GOLGA5: variants seen among roughly 807,000 people sequenced by gnomAD.
GOLGA5 encodes golgin A5.
Under a neutral mutation model 93.5 loss-of-function variants are expected in GOLGA5, and 50 were observed. The ratio of observed to expected loss-of-function variants is 0.53; its 90% confidence interval spans 0.43 to 0.68. The LOEUF (loss-of-function observed/expected upper bound fraction) is 0.68. GOLGA5 is among the 30% of genes least tolerant of loss of function. The probability of loss-of-function intolerance (pLI) is 0.00; values close to 1 mark genes in which losing one functional copy is unlikely to be tolerated. For missense variants in GOLGA5, 760 were observed against 856.4 expected, an observed-to-expected ratio of 0.89 and a Z score of 1.40; for synonymous variants, 312 against 304.5, an observed-to-expected ratio of 1.02 and a Z score of -0.26.
At chr14:92,819,972 A>G in intron 8 of GOLGA5, 136 bp downstream of exon 8, 1 of 763,338 alleles carries the variant, frequency 1.3e-6, no homozygotes, top group Non-Finnish European at 2.1e-6. Flanking sequence ...CTGCCTTCCC[A>G]TCTCATCTGA....
chr14:92,803,116 G>A (rs968567824), intron 2 of GOLGA5, among the ~76,000 whole-genome samples: 27 of 152,154 alleles, frequency 1.8e-4, no homozygotes, highest in African/African-American at 6.5e-4. Flanking sequence ...GCTCACTGCA[G>A]CCTCAATCTC....
intron 6 of GOLGA5, among the ~76,000 whole-genome samples, chr14:92,812,618 T>A (rs1595595613): frequency 3.3e-5 from 5 of 152,364 alleles, no homozygotes; most frequent in African/African-American, 1.2e-4. Flanking sequence ...CAAAAATATT[T>A]GATGACCTAA....
In GOLGA5 at chr14:92,822,892, C is replaced by T. The variant is rs545701768; in HGVS notation, c.1621-1654C>T. ...AGGGCTGGTCTCAAACTCCTGACCT[C>T]AAGTGATCCACCTGCCTCAGCCTCC... On this transcript the variant is annotated intron_variant, in intron 8 of 12. Coordinates refer to ENST00000163416, the MANE Select transcript of GOLGA5 (RefSeq NM_005113.4). 3.9e-5 allele frequency among the ~76,000 whole-genome samples: 6 copies of T among 152,256 alleles called. No homozygotes were observed. The East Asian group carries it at 1.2e-3, about 29-fold the overall frequency.
rs767069091 is a variant in GOLGA5 at position 92,824,547 on chromosome 14, A to C, written c.1622A>C (p.Glu541Ala). 3.9e-6 allele frequency: 6 copies of C among 1,541,808 alleles called. No individual in the cohort carries two copies. In the Admixed American group the frequency reaches 1.0e-4, roughly 27 times the overall value. The change falls in exon 9 of 13, where the codon GAG (glutamate) becomes GCG (alanine). Residue 541 changes from glutamate (E) to alanine (A), a missense_variant and splice_region_variant. Glu to Ala is a moderately radical substitution (Grantham distance 107). Transcript: ENST00000163416. ...TTTTGTTTGTGCCTCACTTTGCAGG[A>C]GTTCCACTATATAGAAGAAGATCTT... ...LETELERLKQ[E>A]FHYIEEDLYR...
At chr14:92,814,839 G>T (rs551962284) in intron 6 of GOLGA5, among the ~76,000 whole-genome samples, 7 of 152,108 alleles carry the variant, frequency 4.6e-5, no homozygotes, top group Admixed American at 2.0e-4. Context: ...TATCTCAGGG[G>T]TCAGAAAACA....
intron 3 of GOLGA5, among the ~76,000 whole-genome samples, chr14:92,808,517 A>AG: frequency 1.3e-5 from 2 of 152,042 alleles, no homozygotes; most frequent in East Asian, 3.9e-4. Flanking sequence ...ATGGTGGTGT[A>AG]CACCTGTAGG....
rs1293218284 is a variant in GOLGA5, at chr14:92,806,976, A to G, written c.772+13A>G. ...GAGACTCAAGAAGGTAGAGGCTTAA[A>G]TTGTTCAGGATTAGGAATTTAACTT... is the stretch of plus-strand genomic sequence containing the variant. On this transcript the variant is annotated intron_variant, in intron 3 of 12. Transcript: ENST00000163416. 1 of 1,468,316 alleles carries G rather than the reference A, an allele frequency of 6.8e-7. No homozygotes were observed. The highest frequency in any genetic ancestry group is 2.3e-5 in the East Asian group (1 of 44,176). The allele number at this position is 1,468,316 out of a possible 1,614,324, so 91.0% of individuals were successfully genotyped here.
chr14:92,798,693 A>G (rs768449480), intron 2 of GOLGA5, among the ~76,000 whole-genome samples: 4 of 152,244 alleles, frequency 2.6e-5, no homozygotes, highest in Admixed American at 6.5e-5. Context: ...AGGCAGGCAG[A>G]GCACTCGTGC....
chr14:92,820,604 G>A (rs370844624), intron 8 of GOLGA5, among the ~76,000 whole-genome samples: 2 of 152,066 alleles, frequency 1.3e-5, no homozygotes, highest in Non-Finnish European at 2.9e-5. Flanking sequence ...CCCATCCCAC[G>A]AGGCCATATC....
At chr14:92,814,182 CG>C (rs1885157412) in intron 6 of GOLGA5, among the ~76,000 whole-genome samples, 1 of 151,796 alleles carries the variant, frequency 6.6e-6, no homozygotes, top group Admixed American at 6.6e-5. Context: ...TGTAACCTAA[CG>C]GGGAGAAAGG....
At chr14:92,832,180 A>G (rs1046953912) in intron 9 of GOLGA5, among the ~76,000 whole-genome samples, 2 of 152,224 alleles carry the variant, frequency 1.3e-5, no homozygotes, top group Admixed American at 1.3e-4. Flanking sequence ...TTCAACAAAG[A>G]GTATGAAGTA....
chr14:92,833,081 T>C (rs1885563116), intron 9 of GOLGA5, 41 bp from the exon 10 acceptor site: 1 of 1,124,620 alleles, frequency 8.9e-7, no homozygotes, highest in East Asian at 2.3e-5. Context: ...TTGTATGACT[T>C]TCATTTTATG....
intron 5 of GOLGA5, 142 bp downstream of exon 5, chr14:92,810,519 T>A: frequency 1.8e-6 from 1 of 549,942 alleles, no homozygotes; most frequent in Admixed American, 4.2e-5. Flanking sequence ...AAATCAGATA[T>A]TTGAAAATTT....
chr14:92,828,117 CAGATTTTCAATGT>C (rs1885458790), intron 9 of GOLGA5, among the ~76,000 whole-genome samples: 1 of 152,210 alleles, frequency 6.6e-6, no homozygotes, highest in Admixed American at 6.5e-5. Context: ...CACTAAACAA[CAGATTTTCAATGT>C]AGATGAAACA....
chr14:92,822,070 T>C (rs72701886), intron 8 of GOLGA5, among the ~76,000 whole-genome samples: 3 of 152,356 alleles, frequency 2.0e-5, no homozygotes, highest in Non-Finnish European at 4.4e-5. Flanking sequence ...ATCTTGCAAT[T>C]GAAGAGTCCT....
chr14:92,839,741 A>G lies in GOLGA5; in HGVS notation c.*295A>G, dbSNP rs1885719458. ...GGGGTTGTTCACCTCTGTACAGACC[A>G]TCTGTATGTTAGGTGACATTGATTA... is the stretch of plus-strand genomic sequence containing the variant. On this transcript the variant is annotated 3_prime_UTR_variant, in exon 13 of 13. Coordinates refer to ENST00000163416, the MANE Select transcript of GOLGA5 (RefSeq NM_005113.4). 2 of 339,840 alleles carry G rather than the reference A, an allele frequency of 5.9e-6. No individual in the cohort carries two copies. The highest frequency in any genetic ancestry group is 4.2e-5 in the African/African-American group (2 of 47,842). 21.1% of individuals were successfully genotyped at this position (339,840 alleles called of 1,614,324 possible).
Position 92,833,398 on chromosome 14 carries a change from A to G in GOLGA5, c.1945+51A>G, listed in dbSNP as rs372684778. The G allele has an allele frequency of 2.0e-5, 26 of 1,290,508 alleles. No homozygotes were observed. In the African/African-American group the frequency reaches 3.8e-4, roughly 19 times the overall value. The allele number at this position is 1,290,508 out of a possible 1,614,324, so 79.9% of individuals were successfully genotyped here. A position where few individuals can be genotyped will look rare whatever the true frequency, so the allele number is the denominator to read the frequency against. On this transcript the variant is annotated intron_variant, in intron 10 of 12. Transcript: ENST00000163416. The stretch of plus-strand genomic sequence containing the variant: ...AACATTTCATTCAAACATGCTTTTG[A>G]AAAGTTATAGAAGGACTATTTTTAT...
intron 2 of GOLGA5, among the ~76,000 whole-genome samples, chr14:92,800,584 G>A (rs551888039): frequency 6.2e-4 from 95 of 152,192 alleles, no homozygotes; most frequent in Non-Finnish European, 1.2e-3. Flanking sequence ...ATTGATTCCT[G>A]AACAACAGGC....
rs1595608251 is a variant in GOLGA5 at position 92,839,411 on chromosome 14, C to T, written c.2161C>T (p.Pro721Ser). ...CATGATTGTTCTGTTGACTTACACA[C>T]CAGAAATGCACCACGACCAACCATA... ...WVMIVLLTYT[P>S]EMHHDQPYGK Residue 721 changes from proline (P) to serine (S), a missense_variant, in exon 13 of 13, where the codon CCA (proline) becomes TCA (serine). Transcript: ENST00000163416. The T allele has an allele frequency of 6.2e-7, 1 of 1,611,646 alleles. No homozygotes were observed. The highest frequency in any genetic ancestry group is 8.5e-7 in the Non-Finnish European group (1 of 1,178,748).
Sources: allele counts gnomAD v4.1 joint callset (sites outside exome capture counted in the v4.1 genomes callset), GRCh38; gene constraint gnomAD v4.1.1; transcripts MANE v1.5; gene names NCBI Gene and HGNC (gene_info 2026-07-23, HGNC 2026-07-21).